KLHL36: variants seen among roughly 807,000 people sequenced by gnomAD.
The protein encoded by KLHL36 is kelch like family member 36.
Under a neutral mutation model 53.3 loss-of-function variants are expected in KLHL36, and 35 were observed. That is an observed-to-expected ratio of 0.66 (90% CI 0.50 to 0.87). The LOEUF (loss-of-function observed/expected upper bound fraction) is 0.87. Ranked by LOEUF, KLHL36 falls within the 40% of genes least tolerant of loss-of-function variation. The probability of loss-of-function intolerance (pLI) is 0.00; values close to 1 mark genes in which losing one functional copy is unlikely to be tolerated. For synonymous variants in KLHL36, 472 were observed against 398.9 expected, an observed-to-expected ratio of 1.18 and a Z score of -2.18; for missense variants, 864 against 897.6, an observed-to-expected ratio of 0.96 and a Z score of 0.48.
At chr16:84,651,016 G>A in intron 2 of KLHL36, 86 bp downstream of exon 2, 1 of 1,162,576 alleles carries the variant, frequency 8.6e-7, no homozygotes, top group Non-Finnish European at 1.2e-6. Flanking sequence ...ATCACAGACT[G>A]ATTTTTTTGT....
intron 4 of KLHL36, among the ~76,000 whole-genome samples, chr16:84,660,608 T>C (rs1371138817): frequency 1.3e-5 from 2 of 152,160 alleles, no homozygotes; most frequent in East Asian, 1.9e-4. Flanking sequence ...GTTAGAAGTG[T>C]GTGGGGTAAG....
Position 84,657,003 on chromosome 16 carries a change from G to A in KLHL36, c.196G>A (p.Val66Met), listed in dbSNP as rs140616787. 9.3e-6 allele frequency: 15 copies of A among 1,614,108 alleles called. No individual in the cohort carries two copies. Among genetic ancestry groups the A allele is most frequent in the East Asian group, 2.2e-5 (1 of 44,892 alleles). Reference sequence around the variant, plus strand: ...GCCAGCCCATCGCAACCTGCTGGCCGTGTGCAGCGACTACTTCAACTCCAT... The same window carrying A: ...GCCAGCCCATCGCAACCTGCTGGCCATGTGCAGCGACTACTTCAACTCCAT... The part of the protein sequence containing the change: ...RVPAHRNLLA[V>M]CSDYFNSMFT... Residue 66 changes from valine (V) to methionine (M), a missense_variant, in exon 3 of 5, where the codon GTG becomes ATG. Transcript: ENST00000564996.
chr16:84,649,242 CGG>C (rs1297650512), intron 1 of KLHL36: 1 of 152,482 alleles, frequency 6.6e-6, no homozygotes, highest in Non-Finnish European at 1.5e-5. Context: ...ACGTCCAACA[CGG>C]GTGGAAATCA....
chr16:84,665,719 G>C lies in KLHL36; in HGVS notation c.*3586G>C, dbSNP rs1186728638. On this transcript the variant is annotated 3_prime_UTR_variant, in exon 5 of 5. Transcript: ENST00000564996. ...GCATCCAGATGCTGAGGGGAAGTGG[G>C]GTCCATCCTCTGAGGTCCAGGGGCC... 2 of 152,234 alleles carry C rather than the reference G, an allele frequency of 1.3e-5. No individual in the cohort carries two copies. 9.4% of individuals were successfully genotyped at this position (152,234 alleles called of 1,614,324 possible).
chr16:84,656,667 A>T (rs996698624), intron 2 of KLHL36, among the ~76,000 whole-genome samples: 3 of 144,324 alleles, frequency 2.1e-5, no homozygotes, highest in Non-Finnish European at 3.0e-5. Context: ...GAAAGAAGTT[A>T]TATTAATAAG....
intron 1 of KLHL36, among the ~76,000 whole-genome samples, chr16:84,649,495 T>A (rs368144330): frequency 7.5e-6 from 1 of 133,936 alleles, no homozygotes; most frequent in Admixed American, 7.0e-5. Context: ...GTGTCACCTC[T>A]CAGCGTGAAG....
chr16:84,651,376 G>A (rs769151513), intron 2 of KLHL36, among the ~76,000 whole-genome samples: 14 of 152,158 alleles, frequency 9.2e-5, no homozygotes, highest in Non-Finnish European at 1.6e-4. Flanking sequence ...CCCTGGTCAT[G>A]ATTCCCTGCG....
intron 2 of KLHL36, among the ~76,000 whole-genome samples, chr16:84,654,675 G>T (rs1907098944): frequency 1.3e-5 from 2 of 152,126 alleles, no homozygotes. Context: ...AGGCTGGAGT[G>T]CAGTGGCTCA....
In KLHL36 at chr16:84,659,903, G is replaced by A. The variant is rs771075012; in HGVS notation, c.1281G>A (p.Val427=). ...YSPKTDSWSY[V]AGLPRFTYGH... ...CCAAGACTGACTCCTGGTCCTATGT[G>A]GCCGGCTTGCCAAGGTGATCTGGGG... The change falls in exon 4 of 5, where the codon GTG becomes GTA. Residue 427 remains valine, a synonymous_variant. Coordinates refer to ENST00000564996, the MANE Select transcript of KLHL36 (RefSeq NM_024731.4). The A allele has an allele frequency of 5.6e-6, 9 of 1,606,588 alleles. No homozygotes were observed. Among genetic ancestry groups the A allele is most frequent in the Non-Finnish European group, 7.7e-6 (9 of 1,173,854 alleles).
At position 84,661,520 on chromosome 16, in the gene KLHL36, G is replaced by T. The variant is rs12924673; in HGVS notation, c.1296-58G>T. On this transcript the variant is annotated intron_variant, in intron 4 of 4. Transcript: ENST00000564996. The surrounding 1 kb of genome is among the most constrained non-coding windows in gnomAD (Gnocchi z 7.9). The stretch of plus-strand genomic sequence containing the variant: ...CGGCAGGCTGTTCCCCGGCTCGGAG[G>T]GGGTAAGCCTGGCACAGCCCTGAGC... 5 of 1,493,536 alleles carry T rather than the reference G, an allele frequency of 3.3e-6. No individual in the cohort carries two copies. Among genetic ancestry groups the T allele is most frequent in the Non-Finnish European group, 4.5e-6 (5 of 1,112,372 alleles). 92.5% of individuals were successfully genotyped at this position (1,493,536 alleles called of 1,614,324 possible). A position where few individuals can be genotyped will look rare whatever the true frequency, so the allele number is the denominator to read the frequency against.
chr16:84,659,943 C>T (rs1184934366), intron 4 of KLHL36, 26 bp downstream of exon 4: 1 of 1,592,588 alleles, frequency 6.3e-7, no homozygotes, highest in African/African-American at 1.3e-5. Flanking sequence ...GTGGAAGGTT[C>T]TCCAAATGGG....
rs1567558569 is a variant in KLHL36 at position 84,657,167 on chromosome 16, G to A, written c.360G>A (p.Leu120=). 1 of 1,614,162 alleles carries A rather than the reference G, an allele frequency of 6.2e-7. No individual in the cohort carries two copies. Among genetic ancestry groups the A allele is most frequent in the Non-Finnish European group, 8.5e-7 (1 of 1,180,032 alleles). The change falls in exon 3 of 5, where the codon CTG becomes CTA. Residue 120 remains leucine (L), a synonymous_variant. Transcript: ENST00000564996. ...ATGGCGGCAACATTGACTACGTCCT[G>A]GAGACGGCTCACCTGCTGCAGATCT... The part of the protein sequence containing the change: ...VLDGGNIDYV[L]ETAHLLQIWT...
At position 84,662,919 on chromosome 16, in the gene KLHL36, T is replaced by C. The variant is rs1907644328; in HGVS notation, c.*786T>C. On this transcript the variant is annotated 3_prime_UTR_variant, in exon 5 of 5. Coordinates refer to ENST00000564996, the MANE Select transcript of KLHL36 (RefSeq NM_024731.4). ...AAACGAAAAAAGGTATGAAGCTCTT[T>C]ATACATATTTTTTTGTAATTTGTGC... The C allele has an allele frequency of 6.6e-6, 1 of 152,082 alleles. No individual in the cohort carries two copies. The highest frequency in any genetic ancestry group is 1.5e-5 in the Non-Finnish European group (1 of 68,036). 9.4% of individuals were successfully genotyped at this position (152,082 alleles called of 1,614,324 possible).
At chr16:84,656,683 G>GA (rs35874869) in intron 2 of KLHL36, among the ~76,000 whole-genome samples, 188 bp from the exon 3 acceptor site, 37,537 of 147,156 alleles carry the variant, frequency 0.26, 4,952 homozygotes, top group East Asian at 0.41. Flanking sequence ...ATAAGAGAAG[G>GA]AAAAAAAAAA....
intron 1 of KLHL36, chr16:84,649,030 A>G (rs1906647401): frequency 6.6e-6 from 1 of 152,020 alleles, no homozygotes; most frequent in Admixed American, 6.5e-5. Flanking sequence ...CCCGCCGGCG[A>G]GCCGGTGTCA....
At chr16:84,652,337 C>G (rs1906940596) in intron 2 of KLHL36, among the ~76,000 whole-genome samples, 1 of 151,782 alleles carries the variant, frequency 6.6e-6, no homozygotes, top group Non-Finnish European at 1.5e-5. Context: ...GTGGTGCGAT[C>G]ATAGCTCACT....
chr16:84,658,059 A>G, intron 3 of KLHL36, 115 bp downstream of exon 3: 2 of 800,452 alleles, frequency 2.5e-6, no homozygotes, highest in Non-Finnish European at 3.8e-6. Context: ...CTTCTGAATG[A>G]GGTGTGATGA....
intron 2 of KLHL36, among the ~76,000 whole-genome samples, chr16:84,652,951 C>T (rs182628285): frequency 1.3e-5 from 2 of 152,306 alleles, no homozygotes; most frequent in East Asian, 3.9e-4. Flanking sequence ...GGCACAGTGG[C>T]TCACGCCTGT....
rs1266599271 is a variant in KLHL36 at position 84,663,441 on chromosome 16, G to A, written c.*1308G>A. ...CCTTTAAGAGGGCTCTTAGCTGCCCGAGTGGATGAGAAACGTGCAGAACTA... is the reference window on the plus strand; with the variant it reads ...CCTTTAAGAGGGCTCTTAGCTGCCCAAGTGGATGAGAAACGTGCAGAACTA... On this transcript the variant is annotated 3_prime_UTR_variant, in exon 5 of 5. Transcript: ENST00000564996. 1.3e-5 allele frequency: 2 copies of A among 152,206 alleles called. No homozygotes were observed. The highest frequency in any genetic ancestry group is 2.1e-4 in the South Asian group (1 of 4,816). The allele number at this position is 152,206 out of a possible 1,614,324, so 9.4% of individuals were successfully genotyped here.
Sources: allele counts gnomAD v4.1 joint callset (sites outside exome capture counted in the v4.1 genomes callset), GRCh38; gene constraint gnomAD v4.1.1; non-coding constraint Gnocchi (gnomAD v3.1); transcripts MANE v1.5; gene names NCBI Gene and HGNC (gene_info 2026-07-23, HGNC 2026-07-21).